The following IQSEC1 variants were observed in gnomAD, a reference collection of about 807,000 sequenced individuals.
The protein encoded by IQSEC1 is IQ motif and Sec7 domain ArfGEF 1.
A neutral mutation model predicts 91.0 loss-of-function variants in IQSEC1; 31 were observed. The ratio of observed to expected loss-of-function variants is 0.34; its 90% CI spans 0.26 to 0.46. The LOEUF is 0.46. Ranked by LOEUF, IQSEC1 falls within the 20% of genes least tolerant of loss-of-function variation. The pLI, the probability that IQSEC1 is intolerant of heterozygous loss-of-function variation, is 1.00. For missense variants in IQSEC1, 1,388 were observed against 1,575.6 expected (o/e 0.88, Z 2.02); for synonymous variants, 699 against 662.6 (o/e 1.05, Z -0.84).
At chr3:12,947,941 A>G (rs1427805782) in intron 1 of IQSEC1, among the ~76,000 whole-genome samples, 1 of 152,224 alleles carries the variant, frequency 6.6e-6, no homozygotes, top group Non-Finnish European at 1.5e-5. Context: ...CAGTGTTGCA[A>G]TGGACACCTC....
chr3:13,162,846 C>T (rs537618798), intron 2 of IQSEC1, among the ~76,000 whole-genome samples: 24 of 152,224 alleles, frequency 1.6e-4, no homozygotes, highest in Admixed American at 1.4e-3. Flanking sequence ...GGCCTGCTGC[C>T]CCCTCCCTCG....
intron 2 of IQSEC1, among the ~76,000 whole-genome samples, chr3:13,153,108 C>T (rs1393840296): frequency 6.6e-6 from 1 of 151,482 alleles, no homozygotes; most frequent in African/African-American, 2.4e-5. Flanking sequence ...CCTCTCCCCT[C>T]CCTCTCCTCT....
At chr3:12,925,628 C>A (rs1697055597) in intron 3 of IQSEC1, among the ~76,000 whole-genome samples, 1 of 152,244 alleles carries the variant, frequency 6.6e-6, no homozygotes, top group Non-Finnish European at 1.5e-5. Context: ...CCATGCAGGG[C>A]TGAGTGTGTC....
intron 1 of IQSEC1, among the ~76,000 whole-genome samples, chr3:13,235,702 G>A (rs749614432): frequency 1.3e-5 from 2 of 152,192 alleles, no homozygotes; most frequent in Non-Finnish European, 2.9e-5. Context: ...AGCAAAGGTG[G>A]CAGCAAATGC....
chr3:13,134,869 T>C (rs573587344), intron 2 of IQSEC1, among the ~76,000 whole-genome samples: 4 of 152,100 alleles, frequency 2.6e-5, no homozygotes, highest in Admixed American at 6.5e-5. Context: ...TGGGAGGGTG[T>C]CCTCTGGGGG....
chr3:12,911,040 T>C (rs9863487), intron 10 of IQSEC1, among the ~76,000 whole-genome samples: 3,076 of 152,244 alleles, frequency 0.02, 88 homozygotes, highest in African/African-American at 0.069. Flanking sequence ...AACTCCCAGG[T>C]CCCCAGGCCT....
At chr3:13,227,015 A>T (rs1171666029) in intron 1 of IQSEC1, among the ~76,000 whole-genome samples, 1 of 152,148 alleles carries the variant, frequency 6.6e-6, no homozygotes, top group Non-Finnish European at 1.5e-5. Context: ...CCAGGAGTTC[A>T]AGGCTGCAGT....
At chr3:13,122,342 G>C in intron 2 of IQSEC1, among the ~76,000 whole-genome samples, 1 of 152,266 alleles carries the variant, frequency 6.6e-6, no homozygotes, top group East Asian at 1.9e-4. Flanking sequence ...GGTGGCCAGG[G>C]CCCCGAGTGC....
chr3:13,157,136 C>A (rs1576275341), intron 2 of IQSEC1, among the ~76,000 whole-genome samples: 1 of 152,190 alleles, frequency 6.6e-6, no homozygotes, highest in African/African-American at 2.4e-5. Flanking sequence ...TGTGTCACCA[C>A]CTTCTAAGTA....
intron 2 of IQSEC1, among the ~76,000 whole-genome samples, chr3:13,115,995 C>T (rs974869823): frequency 6.6e-6 from 1 of 152,212 alleles, no homozygotes; most frequent in African/African-American, 2.4e-5. Context: ...CCTGCAATTA[C>T]GCCCCCTCAG....
chr3:13,148,843 G>C (rs1440619853), intron 2 of IQSEC1, among the ~76,000 whole-genome samples: 1 of 152,272 alleles, frequency 6.6e-6, no homozygotes, highest in Non-Finnish European at 1.5e-5. Context: ...TGGATTAAAG[G>C]GGCTGAGAAT....
intron 1 of IQSEC1, among the ~76,000 whole-genome samples, chr3:13,267,754 A>C (rs900668038): frequency 5.9e-5 from 9 of 151,886 alleles, no homozygotes; most frequent in African/African-American, 2.2e-4. Context: ...AGTAGCTGGG[A>C]CTACAGGTGC....
chr3:12,939,749 T>C (rs895920744), intron 2 of IQSEC1, among the ~76,000 whole-genome samples: 2 of 152,138 alleles, frequency 1.3e-5, no homozygotes, highest in Non-Finnish European at 2.9e-5. Context: ...CTCTAATGCC[T>C]CCTTAGAGAG....
intron 1 of IQSEC1, among the ~76,000 whole-genome samples, chr3:12,998,216 G>A (rs2125653360): frequency 6.6e-6 from 1 of 152,286 alleles, no homozygotes; most frequent in African/African-American, 2.4e-5. Flanking sequence ...TGGGTGTGGT[G>A]GCATGTGCCT....
intron 1 of IQSEC1, among the ~76,000 whole-genome samples, chr3:13,056,403 G>T (rs1704882372): frequency 6.6e-6 from 1 of 152,042 alleles, no homozygotes; most frequent in African/African-American, 2.4e-5. Context: ...TTTCTGGGGG[G>T]TCCTTCCTGG....
chr3:13,004,938 C>G (rs1050912739), intron 1 of IQSEC1, among the ~76,000 whole-genome samples: 19 of 152,146 alleles, frequency 1.2e-4, no homozygotes, highest in African/African-American at 4.6e-4. Flanking sequence ...GCTGGGAACC[C>G]CTGAATTATT....
chr3:13,256,713 G>A (rs1354883096), intron 1 of IQSEC1, among the ~76,000 whole-genome samples: 1 of 152,210 alleles, frequency 6.6e-6, no homozygotes, highest in African/African-American at 2.4e-5. Flanking sequence ...AGGCCATGGT[G>A]GGAAGATAGA....
intron 1 of IQSEC1, among the ~76,000 whole-genome samples, chr3:13,278,126 G>A (rs533843303): frequency 1.3e-5 from 2 of 152,146 alleles, no homozygotes; most frequent in Non-Finnish European, 2.9e-5. Flanking sequence ...GAATGCCACT[G>A]AAAACCTCCC....
At chr3:13,037,981 G>A (rs1553681946) in intron 1 of IQSEC1, among the ~76,000 whole-genome samples, 1 of 151,724 alleles carries the variant, frequency 6.6e-6, no homozygotes, top group Non-Finnish European at 1.5e-5. Flanking sequence ...ATTGTACAAT[G>A]GTTAAGATGG....
Sources: gnomAD v4.1 joint callset for allele counts (sites outside exome capture counted in the v4.1 genomes callset) on GRCh38, gnomAD v4.1.1 for gene constraint, MANE v1.5 for transcripts, NCBI Gene and HGNC (gene_info 2026-07-23, HGNC 2026-07-21) for gene names.